The following ATG2B variants were observed in gnomAD, a reference collection of about 807,000 sequenced individuals.
The protein encoded by ATG2B is autophagy related 2B, also known as autophagy-related protein 2 homolog B.
A neutral mutation model predicts 241.3 loss-of-function variants in ATG2B; 121 were observed. That is an observed-to-expected ratio of 0.50 (90% CI 0.43 to 0.58). ATG2B has a LOEUF of 0.58. Ranked by LOEUF, ATG2B falls within the 20% of genes least tolerant of loss-of-function variation. The pLI, the probability that ATG2B is intolerant of heterozygous loss-of-function variation, is 0.00. For missense variants in ATG2B, 2,306 were observed against 2,491.6 expected (o/e 0.93, Z 1.59); for synonymous variants, 858 against 876.6 (o/e 0.98, Z 0.37).
chr14:96,283,569 G>A lies in ATG2B; in HGVS notation c.*2186C>T, dbSNP rs562836666. 2 of 152,332 alleles carry A rather than the reference G, an allele frequency of 1.3e-5. No individual in the cohort carries two copies. The highest frequency in any genetic ancestry group is 2.9e-5 in the Non-Finnish European group (2 of 68,026). 9.4% of individuals were successfully genotyped at this position (152,332 alleles called of 1,614,324 possible). A position where few individuals can be genotyped will look rare whatever the true frequency, so the allele number is the denominator to read the frequency against. On this transcript the variant is annotated 3_prime_UTR_variant, in exon 42 of 42. Transcript: ENST00000359933. Reference sequence around the variant, plus strand: ...ACCAGGAGGGATGCTGAGGCTTACAGGGATCAGATGTCCTGGACAAGTCAT... The same window carrying A: ...ACCAGGAGGGATGCTGAGGCTTACAAGGATCAGATGTCCTGGACAAGTCAT...
At chr14:96,301,276 A>AACTTACCC (rs1566716643) in intron 34 of ATG2B, among the ~76,000 whole-genome samples, 2 of 149,944 alleles carry the variant, frequency 1.3e-5, no homozygotes, top group Non-Finnish European at 3.0e-5. Context: ...TAAGGCTTGG[A>AACTTACCC]GATGTTCAGT....
chr14:96,325,738 G>C lies in ATG2B; in HGVS notation c.2348C>G (p.Ala783Gly), dbSNP rs759171717. The change falls in exon 15 of 42, where the codon GCC becomes GGC. Residue 783 changes from alanine (A) to glycine (G), a missense_variant. Ala to Gly is a moderately conservative substitution (Grantham distance 60). Transcript: ENST00000359933. ...AGTCTTAAATTCTAGATCTGTGAAG[G>C]CTAAATAAAGGATCTCCTTCTGAAG... ...KSLQKEILYL[A>G]FTDLEFKTEF... 1.4e-5 allele frequency: 23 copies of C among 1,613,652 alleles called. No individual in the cohort carries two copies. Among genetic ancestry groups the C allele is most frequent in the Middle Eastern group, 3.3e-4 (2 of 6,078 alleles).
At chr14:96,313,957 GT>G (rs1887233964) in intron 23 of ATG2B, among the ~76,000 whole-genome samples, 1 of 152,170 alleles carries the variant, frequency 6.6e-6, no homozygotes, top group East Asian at 1.9e-4. Flanking sequence ...GGGGCGATTG[GT>G]TTTTCATATA....
intron 2 of ATG2B, among the ~76,000 whole-genome samples, chr14:96,346,489 G>A (rs1050879778): frequency 3.9e-5 from 6 of 151,958 alleles, no homozygotes; most frequent in African/African-American, 9.7e-5. Context: ...ATGCATAATC[G>A]GTTTTCAAAA....
rs76057835 is a variant in ATG2B at position 96,314,575 on chromosome 14, C to G, written c.3642+579G>C. ...AGTCCTGGGATACAGAGTCCCTTCC[C>G]TTCCTTTAATGACATATAAGATAAC... is the stretch of plus-strand genomic sequence containing the variant. On this transcript the variant is annotated intron_variant, in intron 23 of 41. Transcript: ENST00000359933. Among the ~76,000 whole-genome samples, 714 of 145,132 alleles carry G rather than the reference C, an allele frequency of 4.9e-3. 1 individual carries two copies. The highest frequency in any genetic ancestry group is 8.8e-3 in the Non-Finnish European group (565 of 63,958).
intron 1 of ATG2B, among the ~76,000 whole-genome samples, chr14:96,362,303 C>A (rs185358001): frequency 6.6e-6 from 1 of 152,092 alleles, no homozygotes; most frequent in East Asian, 1.9e-4. Flanking sequence ...GCACAAGAGG[C>A]CTTCACCTAA....
At chr14:96,293,594 G>A (rs1886547199) in intron 36 of ATG2B, among the ~76,000 whole-genome samples, 1 of 152,182 alleles carries the variant, frequency 6.6e-6, no homozygotes, top group Non-Finnish European at 1.5e-5. Flanking sequence ...GAAAATCTGT[G>A]TTCTAGTTGT....
intron 8 of ATG2B, 111 bp from the exon 9 acceptor site, chr14:96,332,766 A>G: frequency 1.3e-6 from 1 of 784,120 alleles, no homozygotes; most frequent in Non-Finnish European, 1.8e-6. Context: ...TATGAGATAC[A>G]GCGATGCCCC....
At chr14:96,309,979 C>T (rs957633299) in intron 28 of ATG2B, among the ~76,000 whole-genome samples, 3 of 152,064 alleles carry the variant, frequency 2.0e-5, no homozygotes, top group East Asian at 3.9e-4. Context: ...CCCTGTAGGA[C>T]GAGGCCTCAT....
chr14:96,315,196 G>T lies in ATG2B; in HGVS notation c.3600C>A (p.Leu1200=), dbSNP rs755422836. Residue 1200 remains leucine, a synonymous_variant, in exon 23 of 42, where the codon CTC becomes CTA. Coordinates refer to ENST00000359933, the MANE Select transcript of ATG2B (RefSeq NM_018036.7). ...GCCCAGAAGGAAGCATTCTATGCTG[G>T]AGAGTGGCTCCTTTCAGTCCTACGG... The part of the protein sequence containing the change: ...LIAVGLKGAT[L]QHRMLPSGLS... The T allele has an allele frequency of 6.2e-7, 1 of 1,614,144 alleles. No homozygotes were observed.
Position 96,332,339 on chromosome 14 carries a change from G to A in ATG2B, c.1434C>T (p.Ser478=), listed in dbSNP as rs1887758508. The A allele has an allele frequency of 1.9e-6, 3 of 1,613,672 alleles. No individual in the cohort carries two copies. The South Asian group carries it at 3.3e-5, about 18-fold the overall frequency. Residue 478 remains serine (S), a synonymous_variant, in exon 10 of 42, where the codon TCC becomes TCT. Transcript: ENST00000359933. ...EQPVRGSTFP[S]NLVHPTPLQK... is the part of the protein sequence containing the mutation. Reference sequence around the variant, plus strand: ...GTAAAGGTGTTGGGTGAACTAGGTTGGATGGAAATGTTGACCCTCTTACTG... The same window carrying A: ...GTAAAGGTGTTGGGTGAACTAGGTTAGATGGAAATGTTGACCCTCTTACTG...
intron 14 of ATG2B, among the ~76,000 whole-genome samples, chr14:96,326,456 C>T (rs1459619885): frequency 1.3e-5 from 2 of 152,138 alleles, no homozygotes; most frequent in Non-Finnish European, 2.9e-5. Context: ...CTAAATGACG[C>T]ACTCTGAGCT....
In ATG2B at chr14:96,341,681, T is replaced by C. The variant is rs1888040356; in HGVS notation, c.765A>G (p.Ser255=). 2 of 1,580,888 alleles carry C rather than the reference T, an allele frequency of 1.3e-6. No homozygotes were observed. Among genetic ancestry groups the C allele is most frequent in the Non-Finnish European group, 1.7e-6 (2 of 1,161,780 alleles). ...TAPVETEPKL[S]PSWNPKIIYE... Reference sequence around the variant, plus strand: ...AAATAATTTTGGGGTTCCAGCTAGGTGAGAGCTTTGGCTCAGTTTCCTACA... The same window carrying C: ...AAATAATTTTGGGGTTCCAGCTAGGCGAGAGCTTTGGCTCAGTTTCCTACA... Residue 255 remains serine, a synonymous_variant, in exon 6 of 42, where the codon TCA becomes TCG. Transcript: ENST00000359933.
intron 31 of ATG2B, among the ~76,000 whole-genome samples, chr14:96,305,065 C>T (rs1444566312): frequency 1.3e-5 from 2 of 152,216 alleles, no homozygotes; most frequent in South Asian, 2.1e-4. Flanking sequence ...TACTGCTCCA[C>T]GCAGCCTCCA....
chr14:96,311,997 C>T, intron 26 of ATG2B, 92 bp downstream of exon 26: 1 of 911,908 alleles, frequency 1.1e-6, no homozygotes, highest in Non-Finnish European at 1.8e-6. Context: ...TCTTAGTTCA[C>T]TAGCATTATC....
chr14:96,307,703 G>C (rs542883570), intron 29 of ATG2B, among the ~76,000 whole-genome samples: 2 of 152,024 alleles, frequency 1.3e-5, no homozygotes, highest in Middle Eastern at 3.4e-3. Flanking sequence ...GGGGAGGGAA[G>C]AATAGCTGTT....
rs1566709463 is a variant in ATG2B at position 96,282,822 on chromosome 14, C to T, written c.*2933G>A. ...TAAAAGCCAGAAATATTTCAATCGG[C>T]TTGAAAAGTGACACACAACAGGAGC... On this transcript the variant is annotated 3_prime_UTR_variant, in exon 42 of 42. Transcript: ENST00000359933. 6.6e-6 allele frequency: 1 copy of T among 152,180 alleles called. No individual in the cohort carries two copies. Among genetic ancestry groups the T allele is most frequent in the Non-Finnish European group, 1.5e-5 (1 of 68,032 alleles). 9.4% of individuals were successfully genotyped at this position (152,180 alleles called of 1,614,324 possible).
chr14:96,308,283 T>TA (rs1491275020), intron 29 of ATG2B, among the ~76,000 whole-genome samples: 816 of 30,138 alleles, frequency 0.027, 29 homozygotes, highest in Non-Finnish European at 0.038. Flanking sequence ...TATATATATA[T>TA]TTTTTTTTTT....
At position 96,322,539 on chromosome 14, in the gene ATG2B, C is replaced by T. The variant is rs1268238171; in HGVS notation, c.2736+1G>A. On this transcript the variant is annotated splice_donor_variant, in intron 17 of 41. Coordinates refer to ENST00000359933, the MANE Select transcript of ATG2B (RefSeq NM_018036.7). LOFTEE classifies it high-confidence loss of function. ...CCTTTGTAGCTTGCTCACACTTTTA[C>T]CTGTTCATTTTCAAACATTACTCTA... is the stretch of plus-strand genomic sequence containing the variant. The T allele has an allele frequency of 6.2e-7, 1 of 1,609,250 alleles. No homozygotes were observed. The highest frequency in any genetic ancestry group is 8.5e-7 in the Non-Finnish European group (1 of 1,178,470).
Sources: gnomAD v4.1 joint callset for allele counts (sites outside exome capture counted in the v4.1 genomes callset) on GRCh38, gnomAD v4.1.1 for gene constraint, MANE v1.5 for transcripts, NCBI Gene and HGNC (gene_info 2026-07-23, HGNC 2026-07-21) for gene names.